Variants in CDC42SE2 observed in about 807,000 individuals in gnomAD.
CDC42SE2 encodes the protein CDC42 small effector 2.
CDC42SE2 carries 3 observed loss-of-function variants against 11.5 expected under a neutral mutation model. That is an observed-to-expected ratio of 0.26 (90% CI 0.12 to 0.67). The LOEUF (loss-of-function observed/expected upper bound fraction) is 0.67, where lower values mean the gene tolerates loss of function less well. Among genes scored for constraint, CDC42SE2 ranks in the 30% least tolerant of loss-of-function variants. CDC42SE2 has a pLI of 0.80. For missense variants in CDC42SE2, 82 were observed against 106.8 expected (o/e 0.77, Z 1.02); for synonymous variants, 33 against 34.8 (o/e 0.95, Z 0.18).
chr5:131,348,697 C>G (rs966556967), intron 2 of CDC42SE2, among the ~76,000 whole-genome samples: 1 of 152,050 alleles, frequency 6.6e-6, no homozygotes, highest in Non-Finnish European at 1.5e-5. Context: ...AATCCTAAGC[C>G]AAAAGAACAA....
chr5:131,311,818 A>G (rs958399832), intron 1 of CDC42SE2, among the ~76,000 whole-genome samples: 3 of 151,764 alleles, frequency 2.0e-5, no homozygotes, highest in Admixed American at 6.6e-5. Flanking sequence ...ACTTCTCTGT[A>G]TTGGTTATTC....
intron 1 of CDC42SE2, among the ~76,000 whole-genome samples, chr5:131,304,531 A>G (rs1304085406): frequency 2.0e-5 from 3 of 152,178 alleles, no homozygotes; most frequent in Non-Finnish European, 4.4e-5. Context: ...TTATAGTAAA[A>G]TGTCTTTTTG....
intron 2 of CDC42SE2, among the ~76,000 whole-genome samples, chr5:131,346,229 C>T (rs1253791930): frequency 6.6e-6 from 1 of 152,076 alleles, no homozygotes; most frequent in Non-Finnish European, 1.5e-5. Flanking sequence ...AGAGTCAAGA[C>T]CCGTCAGTGT....
chr5:131,389,545 A>T (rs1037773238), intron 4 of CDC42SE2, among the ~76,000 whole-genome samples: 4 of 152,338 alleles, frequency 2.6e-5, no homozygotes, highest in African/African-American at 9.6e-5. Flanking sequence ...TAAATAAGCT[A>T]TGCATTTTCT....
intron 3 of CDC42SE2, among the ~76,000 whole-genome samples, chr5:131,364,841 G>A (rs1237014992): frequency 6.6e-6 from 1 of 152,194 alleles, no homozygotes; most frequent in East Asian, 1.9e-4. Context: ...TGCAAGTGAT[G>A]GTGCTGGAGT....
At chr5:131,383,628 G>A (rs1260938507) in intron 3 of CDC42SE2, among the ~76,000 whole-genome samples, 1 of 152,170 alleles carries the variant, frequency 6.6e-6, no homozygotes, top group Non-Finnish European at 1.5e-5. Flanking sequence ...ATGAAATTAT[G>A]TGGCTACTAC....
chr5:131,341,233 A>C (rs1043774624), intron 2 of CDC42SE2, among the ~76,000 whole-genome samples: 1 of 152,202 alleles, frequency 6.6e-6, no homozygotes, highest in Admixed American at 6.6e-5. Context: ...GACCAAACCA[A>C]GTAACATCTC....
chr5:131,262,539 T>C (rs1331195473), upstream of CDC42SE2, among the ~76,000 whole-genome samples: 1 of 152,148 alleles, frequency 6.6e-6, no homozygotes, highest in Non-Finnish European at 1.5e-5. Flanking sequence ...TCCCAGCTTC[T>C]ACTAGGGAAG....
chr5:131,281,681 C>G (rs886271324), intron 1 of CDC42SE2, among the ~76,000 whole-genome samples: 7 of 152,174 alleles, frequency 4.6e-5, no homozygotes, highest in African/African-American at 1.7e-4. Flanking sequence ...AGTGGCAGAA[C>G]AAGTATTCAA....
intron 2 of CDC42SE2, among the ~76,000 whole-genome samples, chr5:131,334,799 A>G (rs1316377535): frequency 2.6e-5 from 4 of 152,022 alleles, no homozygotes. Flanking sequence ...TTTCTGTGGG[A>G]TGGGTGGTGA....
intron 1 of CDC42SE2, among the ~76,000 whole-genome samples, chr5:131,268,862 T>G (rs2149691854): frequency 6.9e-6 from 1 of 144,884 alleles, no homozygotes; most frequent in South Asian, 2.3e-4. Context: ...GCAACTGTCC[T>G]CCCTCAGCCT....
In CDC42SE2 at chr5:131,391,073, G is replaced by A. The variant is rs1220390731; in HGVS notation, c.237G>A (p.Val79=). The A allele has an allele frequency of 6.2e-7, 1 of 1,612,450 alleles. No individual in the cohort carries two copies. The highest frequency in any genetic ancestry group is 2.2e-5 in the East Asian group (1 of 44,818). Residue 79 remains valine (V), a synonymous_variant, in exon 5 of 5, where the codon GTG becomes GTA. Coordinates refer to ENST00000505065, the MANE Select transcript of CDC42SE2 (RefSeq NM_001375635.1). ...GMPANVQMQL[V]DTKAG ...CTGCCAATGTCCAGATGCAGCTCGT[G>A]GATACGAAGGCGGGATAGCCCTGGT... is the stretch of plus-strand genomic sequence containing the variant.
chr5:131,270,854 T>C (rs1580722781), intron 1 of CDC42SE2, among the ~76,000 whole-genome samples: 1 of 152,206 alleles, frequency 6.6e-6, no homozygotes, highest in African/African-American at 2.4e-5. Context: ...TCGTACTTAG[T>C]TGGCTTCTCT....
chr5:131,311,990 A>G (rs910097012), intron 1 of CDC42SE2, among the ~76,000 whole-genome samples: 9 of 152,146 alleles, frequency 5.9e-5, no homozygotes, highest in African/African-American at 1.7e-4. Context: ...CTGGTGAGGA[A>G]CTGCATTCCT....
chr5:131,319,469 G>A (rs1172570415), intron 2 of CDC42SE2, among the ~76,000 whole-genome samples: 1 of 152,164 alleles, frequency 6.6e-6, no homozygotes, highest in African/African-American at 2.4e-5. Context: ...CCCATAGACA[G>A]AGCTTGCACT....
chr5:131,292,668 G>T (rs1757483595), intron 1 of CDC42SE2, among the ~76,000 whole-genome samples: 1 of 151,816 alleles, frequency 6.6e-6, no homozygotes, highest in Admixed American at 6.6e-5. Context: ...GGAGGCTGAG[G>T]TTGGCAGATC....
intron 3 of CDC42SE2, among the ~76,000 whole-genome samples, chr5:131,366,900 T>C (rs1047569309): frequency 1.3e-5 from 2 of 151,972 alleles, no homozygotes; most frequent in South Asian, 4.1e-4. Context: ...TGGTAGTGTG[T>C]GCCTGTAGGC....
intron 4 of CDC42SE2, among the ~76,000 whole-genome samples, chr5:131,387,864 A>G (rs1205175683): frequency 6.6e-6 from 1 of 152,214 alleles, no homozygotes; most frequent in Non-Finnish European, 1.5e-5. Flanking sequence ...TCAGCCCTTT[A>G]GAGCTAAATG....
chr5:131,215,127 T>C, the CDC42SE2 span, among the ~76,000 whole-genome samples: 5 of 152,230 alleles, frequency 3.3e-5, no homozygotes, highest in South Asian at 4.1e-4. Context: ...ATTAAATAAA[T>C]GTCAGTTTAG....
Sources: allele counts gnomAD v4.1 joint callset (sites outside exome capture counted in the v4.1 genomes callset), GRCh38; gene constraint gnomAD v4.1.1; transcripts MANE v1.5; gene names NCBI Gene and HGNC (gene_info 2026-07-23, HGNC 2026-07-21).